The following NAALADL2 variants were observed in gnomAD, a reference collection of about 807,000 sequenced individuals.
The protein encoded by NAALADL2 is inactive N-acetylated-alpha-linked acidic dipeptidase-like protein 2.
In NAALADL2, 76 loss-of-function variants were observed where a neutral mutation model predicts 87.2. That is an observed-to-expected ratio of 0.87 (90% CI 0.72 to 1.05). NAALADL2 has a LOEUF of 1.05. NAALADL2 is among the 50% of genes least tolerant of loss of function. NAALADL2 has a pLI of 0.00. For missense variants in NAALADL2, 1,089 were observed against 945.8 expected, an observed-to-expected ratio of 1.15 and a Z score of -1.99; for synonymous variants, 354 against 331.0, an observed-to-expected ratio of 1.07 and a Z score of -0.75.
intron 1 of NAALADL2, among the ~76,000 whole-genome samples, chr3:174,520,092 T>C (rs1720182991): frequency 6.6e-6 from 1 of 152,184 alleles, no homozygotes; most frequent in Non-Finnish European, 1.5e-5. Flanking sequence ...AAAACATTCC[T>C]TGCTCATGAA....
At chr3:175,232,040 C>T in intron 2 of NAALADL2, among the ~76,000 whole-genome samples, 1 of 151,932 alleles carries the variant, frequency 6.6e-6, no homozygotes, top group East Asian at 1.9e-4. Context: ...TAATTCTTCT[C>T]ACCAGCTATT....
chr3:174,579,680 T>C (rs1450617194), intron 2 of NAALADL2, among the ~76,000 whole-genome samples: 1 of 152,106 alleles, frequency 6.6e-6, no homozygotes, highest in Non-Finnish European at 1.5e-5. Flanking sequence ...TATACACTTA[T>C]GATTTTTGTA....
intron 2 of NAALADL2, among the ~76,000 whole-genome samples, chr3:174,622,835 T>C (rs948452957): frequency 3.4e-4 from 51 of 152,056 alleles, no homozygotes; most frequent in Middle Eastern, 3.4e-3. Flanking sequence ...GGTCGGGAGA[T>C]GGAGACCATC....
At chr3:175,389,476 A>G (rs1306725505) in intron 5 of NAALADL2, among the ~76,000 whole-genome samples, 1 of 152,184 alleles carries the variant, frequency 6.6e-6, no homozygotes, top group East Asian at 1.9e-4. Flanking sequence ...CTTCACTTAA[A>G]TAATTCAAGT....
In NAALADL2 at chr3:175,810,502, A is replaced by C. The variant is rs1008560877; in HGVS notation, c.*7299A>C. ...TTCATGAGTTTGTACGTGAAATGTT[A>C]ATGTTTAAAACACCCATTTTGAAAT... On this transcript the variant is annotated 3_prime_UTR_variant, in exon 14 of 14. Transcript: ENST00000454872. 8 of 152,060 alleles carry C rather than the reference A, an allele frequency of 5.3e-5. No homozygotes were observed. The highest frequency in any genetic ancestry group is 1.9e-4 in the African/African-American group (8 of 41,430). The allele number at this position is 152,060 out of a possible 1,614,324, so 9.4% of individuals were successfully genotyped here.
intron 9 of NAALADL2, among the ~76,000 whole-genome samples, chr3:175,521,755 C>T (rs186588186): frequency 3.0e-4 from 46 of 152,224 alleles, no homozygotes; most frequent in African/African-American, 1.1e-3. Flanking sequence ...AGGCATCCAC[C>T]ATAAGCTAAA....
At chr3:175,740,272 A>C (rs1346394053) in intron 12 of NAALADL2, among the ~76,000 whole-genome samples, 1 of 152,234 alleles carries the variant, frequency 6.6e-6, no homozygotes, top group African/African-American at 2.4e-5. Context: ...CAATGTGGAA[A>C]TCATTGGTGA....
At chr3:175,291,629 A>G (rs757631888) in intron 4 of NAALADL2, among the ~76,000 whole-genome samples, 10 of 152,200 alleles carry the variant, frequency 6.6e-5, no homozygotes, top group Admixed American at 5.2e-4. Context: ...TGATGATAAT[A>G]TTAAGCAGCT....
At chr3:175,200,229 G>T (rs1739823467) in intron 2 of NAALADL2, among the ~76,000 whole-genome samples, 1 of 151,958 alleles carries the variant, frequency 6.6e-6, no homozygotes, top group Non-Finnish European at 1.5e-5. Context: ...CCTCTAGTGG[G>T]CCACAACTGT....
At chr3:175,345,292 T>C (rs576058719) in intron 5 of NAALADL2, among the ~76,000 whole-genome samples, 1 of 150,450 alleles carries the variant, frequency 6.6e-6, no homozygotes, top group South Asian at 2.1e-4. Context: ...GGAATCATGA[T>C]TAATACTATA....
chr3:175,698,657 A>G (rs2149955872), intron 11 of NAALADL2, among the ~76,000 whole-genome samples: 1 of 151,322 alleles, frequency 6.6e-6, no homozygotes, highest in Admixed American at 6.6e-5. Flanking sequence ...GACAAATTTA[A>G]TAAATAAGTA....
At chr3:175,161,237 T>A (rs1733158796) in intron 2 of NAALADL2, among the ~76,000 whole-genome samples, 1 of 152,090 alleles carries the variant, frequency 6.6e-6, no homozygotes, top group Non-Finnish European at 1.5e-5. Context: ...AGCCAACTTT[T>A]GCTAACTTAA....
intron 1 of NAALADL2, among the ~76,000 whole-genome samples, chr3:174,943,248 G>C (rs572967058): frequency 3.9e-5 from 6 of 152,312 alleles, no homozygotes; most frequent in South Asian, 2.1e-4. Flanking sequence ...GCTTTGTGCA[G>C]GGTCTTTATT....
chr3:174,531,310 A>G (rs1721219213), intron 1 of NAALADL2, among the ~76,000 whole-genome samples: 1 of 151,782 alleles, frequency 6.6e-6, no homozygotes, highest in Non-Finnish European at 1.5e-5. Flanking sequence ...GCTTGGAGTC[A>G]AAAATTGAGA....
At chr3:175,255,020 G>A (rs1474535353) in intron 3 of NAALADL2, among the ~76,000 whole-genome samples, 2 of 152,122 alleles carry the variant, frequency 1.3e-5, no homozygotes, top group African/African-American at 4.8e-5. Flanking sequence ...GGTATGTAAT[G>A]GGCTCTTCAC....
In NAALADL2 at chr3:175,508,452, C is replaced by T. The variant is rs180829424; in HGVS notation, c.1653+36694C>T. Among the ~76,000 whole-genome samples the T allele has an allele frequency of 3.0e-3, 464 of 152,300 alleles. 1 individual carries two copies. Among genetic ancestry groups the T allele is most frequent in the African/African-American group, 0.011 (441 of 41,556 alleles). ...AGACTTCATGCTCCTCTTCTGTATACTCTCTCAGTTAATGAGTTATCCATT... is the reference window on the plus strand; with the variant it reads ...AGACTTCATGCTCCTCTTCTGTATATTCTCTCAGTTAATGAGTTATCCATT... On this transcript the variant is annotated intron_variant, in intron 9 of 13. Transcript: ENST00000454872.
chr3:175,315,113 T>C (rs2110342093), intron 4 of NAALADL2, among the ~76,000 whole-genome samples: 1 of 152,272 alleles, frequency 6.6e-6, no homozygotes, highest in East Asian at 1.9e-4. Flanking sequence ...TTGATGGAGC[T>C]ATAATGTAGC....
At chr3:175,269,072 A>G (rs1752407371) in intron 4 of NAALADL2, among the ~76,000 whole-genome samples, 2 of 151,274 alleles carry the variant, frequency 1.3e-5, no homozygotes, top group South Asian at 2.1e-4. Context: ...CCAAGTAGCT[A>G]GGATTACAGA....
chr3:175,087,265 C>A (rs1719156829), intron 1 of NAALADL2, among the ~76,000 whole-genome samples: 1 of 152,156 alleles, frequency 6.6e-6, no homozygotes, highest in East Asian at 1.9e-4. Flanking sequence ...CGGCCAGCTG[C>A]CCTGCCCGGG....
Sources: gnomAD v4.1 joint callset for allele counts (sites outside exome capture counted in the v4.1 genomes callset) on GRCh38, gnomAD v4.1.1 for gene constraint, MANE v1.5 for transcripts, NCBI Gene and HGNC (gene_info 2026-07-23, HGNC 2026-07-21) for gene names.